Variants in ZNF407 observed in about 807,000 individuals in gnomAD.
ZNF407 encodes the protein zinc finger protein 407.
In ZNF407, 17 loss-of-function variants were observed where a neutral mutation model predicts 131.2. The observed-to-expected ratio is 0.13, with a 90% CI of 0.09 to 0.19. The LOEUF is 0.19. ZNF407 is among the 10% of genes least tolerant of loss of function. ZNF407 has a pLI of 1.00. For synonymous variants in ZNF407, 1,156 were observed against 1,062.0 expected, an observed-to-expected ratio of 1.09 and a Z score of -1.72; for missense variants, 2,681 against 2,830.6, an observed-to-expected ratio of 0.95 and a Z score of 1.20.
intron 8 of ZNF407, among the ~76,000 whole-genome samples, chr18:74,989,317 A>G (rs1382982436): frequency 1.3e-5 from 2 of 152,228 alleles, no homozygotes; most frequent in Non-Finnish European, 2.9e-5. Context: ...CTACAGGAGG[A>G]CACTGAGGAA....
At chr18:74,966,546 A>G (rs180893671) in intron 8 of ZNF407, among the ~76,000 whole-genome samples, 2 of 152,198 alleles carry the variant, frequency 1.3e-5, no homozygotes, top group African/African-American at 4.8e-5. Context: ...TGCCAATACC[A>G]TGCTGTTTTG....
At chr18:75,007,226 A>G (rs1459544901) in intron 8 of ZNF407, among the ~76,000 whole-genome samples, 2 of 59,430 alleles carry the variant, frequency 3.4e-5, no homozygotes, top group Non-Finnish European at 9.9e-5. Context: ...TTGTATTTCT[A>G]TTTCTCTTTT....
chr18:74,935,483 C>T (rs1242715675), intron 8 of ZNF407, among the ~76,000 whole-genome samples: 1 of 152,062 alleles, frequency 6.6e-6, no homozygotes, highest in Non-Finnish European at 1.5e-5. Context: ...TTGCTGAAAT[C>T]GGGGACCAGA....
chr18:74,964,844 G>A (rs975087498), intron 8 of ZNF407, among the ~76,000 whole-genome samples: 7 of 152,106 alleles, frequency 4.6e-5, no homozygotes, highest in Non-Finnish European at 8.8e-5. Context: ...CACCTGGGGT[G>A]GGTGTCTGCT....
chr18:74,607,907 AG>A (rs1326791850), intron 1 of ZNF407, among the ~76,000 whole-genome samples: 2 of 152,332 alleles, frequency 1.3e-5, no homozygotes, highest in Middle Eastern at 3.4e-3. Flanking sequence ...TCCCAATCAC[AG>A]GCTCTTCCTG....
rs373862696 is a variant in ZNF407 at position 74,642,135 on chromosome 18, G to A, written c.4802+1013G>A. On this transcript the variant is annotated intron_variant, in intron 3 of 8. Coordinates refer to ENST00000299687, the MANE Select transcript of ZNF407 (RefSeq NM_017757.3). ...GTACATTTCATCCCAGGATGCAGTT[G>A]TGTATTTTGACCCTTAGGATAGTTT... Among the ~76,000 whole-genome samples the A allele has an allele frequency of 2.5e-4, 38 of 152,174 alleles. No individual in the cohort carries two copies. In the South Asian group the frequency reaches 7.9e-3, roughly 32 times the overall value.
chr18:74,672,936 A>G (rs1327445567), intron 3 of ZNF407, among the ~76,000 whole-genome samples: 1 of 152,180 alleles, frequency 6.6e-6, no homozygotes, highest in Non-Finnish European at 1.5e-5. Flanking sequence ...AACAGAAATT[A>G]TGATGGATTC....
intron 8 of ZNF407, among the ~76,000 whole-genome samples, chr18:74,932,868 C>T (rs1004921899): frequency 6.6e-6 from 1 of 152,118 alleles, no homozygotes; most frequent in African/African-American, 2.4e-5. Context: ...TATTCAGATG[C>T]CTCCTGTCAG....
intron 8 of ZNF407, among the ~76,000 whole-genome samples, chr18:75,004,729 C>T (rs912810022): frequency 4.6e-5 from 7 of 152,204 alleles, no homozygotes; most frequent in Non-Finnish European, 8.8e-5. Context: ...CTTCTGATAT[C>T]TTTGTTTTTC....
intron 8 of ZNF407, among the ~76,000 whole-genome samples, chr18:74,927,100 C>T (rs865903886): frequency 6.6e-6 from 1 of 152,122 alleles, no homozygotes; most frequent in African/African-American, 2.4e-5. Flanking sequence ...TACAAAGAAT[C>T]GTAAATAGTA....
chr18:75,026,485 G>C (rs902114753), intron 8 of ZNF407, among the ~76,000 whole-genome samples: 1 of 152,156 alleles, frequency 6.6e-6, no homozygotes, highest in Admixed American at 6.5e-5. Context: ...AGAAGACATA[G>C]CTGTTAATTG....
rs117067578 is a variant in ZNF407 at position 74,604,122 on chromosome 18, G to A, written c.-54+6185G>A. 5.5e-4 allele frequency among the ~76,000 whole-genome samples: 83 copies of A among 152,202 alleles called. No homozygotes were observed. The East Asian group carries it at 0.01, about 19-fold the overall frequency. ...GAATGAAAACCATGGAAGTTCACTTGGTCACTAAGGAAGAGGTGGATGAAG... is the reference window on the plus strand; with the variant it reads ...GAATGAAAACCATGGAAGTTCACTTAGTCACTAAGGAAGAGGTGGATGAAG... On this transcript the variant is annotated intron_variant, in intron 1 of 8. Transcript: ENST00000299687.
chr18:74,723,312 G>A (rs1487089942), intron 3 of ZNF407, among the ~76,000 whole-genome samples: 1 of 151,940 alleles, frequency 6.6e-6, no homozygotes. Context: ...TTCCCTTTGG[G>A]ATTTGGTCAC....
intron 4 of ZNF407, among the ~76,000 whole-genome samples, chr18:74,793,047 A>G (rs1259561050): frequency 6.6e-6 from 1 of 152,226 alleles, no homozygotes; most frequent in Non-Finnish European, 1.5e-5. Flanking sequence ...AAATTTCTGT[A>G]AAGTATTTTG....
intron 1 of ZNF407, among the ~76,000 whole-genome samples, chr18:74,628,280 T>G (rs986046858): frequency 6.6e-6 from 1 of 152,162 alleles, no homozygotes; most frequent in Non-Finnish European, 1.5e-5. Flanking sequence ...TTGAGATATT[T>G]GCAGTTCAGT....
intron 4 of ZNF407, among the ~76,000 whole-genome samples, chr18:74,806,124 C>CATG (rs1201201460): frequency 6.6e-6 from 1 of 152,224 alleles, no homozygotes; most frequent in Non-Finnish European, 1.5e-5. Context: ...TCCAAGCCAT[C>CATG]ACGTGTGCAC....
intron 3 of ZNF407, among the ~76,000 whole-genome samples, chr18:74,689,848 CT>C (rs1568167901): frequency 6.6e-6 from 1 of 152,106 alleles, no homozygotes; most frequent in Non-Finnish European, 1.5e-5. Context: ...CAGCTGGGGG[CT>C]TGAGAGATAG....
intron 8 of ZNF407, among the ~76,000 whole-genome samples, chr18:74,994,755 G>A (rs1422309150): frequency 6.6e-6 from 1 of 152,198 alleles, no homozygotes; most frequent in Non-Finnish European, 1.5e-5. Context: ...CCAGCGACAG[G>A]AAGAATAGAT....
At position 74,633,472 on chromosome 18, in the gene ZNF407, C is replaced by T. The variant is rs771863101; in HGVS notation, c.2453C>T (p.Ser818Phe). 6.2e-7 allele frequency: 1 copy of T among 1,613,910 alleles called. No homozygotes were observed. Among genetic ancestry groups the T allele is most frequent in the South Asian group, 1.1e-5 (1 of 91,068 alleles). The change falls in exon 2 of 9, where the codon TCT (serine) becomes TTT (phenylalanine). Residue 818 changes from serine to phenylalanine, a missense_variant. Coordinates refer to ENST00000299687, the MANE Select transcript of ZNF407 (RefSeq NM_017757.3). ...HSYLEKGMLA[S>F]EELSQSGGST... ...TATCTTGAGAAGGGCATGCTGGCGT[C>T]TGAGGAACTGTCACAGTCTGGTGGT...
Sources: allele counts gnomAD v4.1 joint callset (sites outside exome capture counted in the v4.1 genomes callset), GRCh38; gene constraint gnomAD v4.1.1; transcripts MANE v1.5; gene names NCBI Gene and HGNC (gene_info 2026-07-23, HGNC 2026-07-21).